GBX1: variants seen among roughly 807,000 people sequenced by gnomAD.
The protein encoded by GBX1 is gastrulation brain homeobox 1.
GBX1 carries 9 observed loss-of-function variants against 22.9 expected under a neutral mutation model. That is an observed-to-expected ratio of 0.39 (90% CI 0.24 to 0.69). The LOEUF is 0.69. Ranked by LOEUF, GBX1 falls within the 30% of genes least tolerant of loss-of-function variation. The pLI, the probability that GBX1 is intolerant of heterozygous loss-of-function variation, is 0.43. For missense variants in GBX1, 494 were observed against 509.2 expected, an observed-to-expected ratio of 0.97 and a Z score of 0.29; for synonymous variants, 203 against 227.3, an observed-to-expected ratio of 0.89 and a Z score of 0.96.
rs910286868 is a variant in GBX1, at chr7:151,152,283, C to G, written c.539-3141G>C. On this transcript the variant is annotated intron_variant, in intron 1 of 1. Transcript: ENST00000297537. ...GCCTCTCCGACGATATTCCCCACAACCCCACCCCGCCCAGCTCCAGTGCAT... is the reference window on the plus strand; with the variant it reads ...GCCTCTCCGACGATATTCCCCACAAGCCCACCCCGCCCAGCTCCAGTGCAT... Among the ~76,000 whole-genome samples the G allele has an allele frequency of 2.0e-5, 3 of 152,264 alleles. 1 individual carries two copies. In the South Asian group the frequency reaches 6.2e-4, roughly 32 times the overall value.
intron 1 of GBX1, among the ~76,000 whole-genome samples, chr7:151,150,302 C>G (rs1047137056): frequency 4.6e-5 from 7 of 152,142 alleles, no homozygotes; most frequent in African/African-American, 1.4e-4. Context: ...GACCAAAAAG[C>G]AGTGAAACAA....
intron 1 of GBX1, among the ~76,000 whole-genome samples, chr7:151,159,300 G>A (rs1469147010): frequency 6.6e-6 from 1 of 151,952 alleles, no homozygotes; most frequent in Non-Finnish European, 1.5e-5. Flanking sequence ...TGCCCAGGCT[G>A]GTCTCGAACT....
chr7:151,158,821 A>G (rs1801163142), intron 1 of GBX1, among the ~76,000 whole-genome samples: 3 of 152,216 alleles, frequency 2.0e-5, no homozygotes, highest in Non-Finnish European at 4.4e-5. Flanking sequence ...AGAAAAGGAC[A>G]ATAAGGATAA....
chr7:151,150,994 A>G (rs1409426747), intron 1 of GBX1, among the ~76,000 whole-genome samples: 3 of 152,200 alleles, frequency 2.0e-5, no homozygotes, highest in African/African-American at 7.2e-5. Flanking sequence ...GGCCTCCCAA[A>G]GTGCCAGGAT....
At chr7:151,156,385 CAAAAAAAAAAAAA>C (rs56947735) in intron 1 of GBX1, among the ~76,000 whole-genome samples, 57 of 15,930 alleles carry the variant, frequency 3.6e-3, no homozygotes, top group African/African-American at 8.6e-3. Context: ...GACCCTGTCT[CAAAAAAAAAAAAA>C]AAAAAAAAAA....
intron 1 of GBX1, among the ~76,000 whole-genome samples, chr7:151,158,679 C>G (rs917556824): frequency 1.3e-5 from 2 of 152,098 alleles, no homozygotes; most frequent in African/African-American, 4.8e-5. Context: ...TCTCAGAACA[C>G]AGAACTACTC....
At chr7:151,152,338 C>T (rs551905678) in intron 1 of GBX1, among the ~76,000 whole-genome samples, 1 of 152,282 alleles carries the variant, frequency 6.6e-6, no homozygotes, top group Non-Finnish European at 1.5e-5. Context: ...GTTATCCTTC[C>T]CACTTTTCAG....
chr7:151,156,157 G>A (rs1313155294), intron 1 of GBX1, among the ~76,000 whole-genome samples: 2 of 151,992 alleles, frequency 1.3e-5, no homozygotes, highest in East Asian at 3.9e-4. Context: ...GCCAAGGCGG[G>A]CAGATCACTT....
chr7:151,153,895 G>A (rs1801106586), intron 1 of GBX1, among the ~76,000 whole-genome samples: 1 of 151,048 alleles, frequency 6.6e-6, no homozygotes, highest in South Asian at 2.2e-4. Context: ...ATTTCTATTT[G>A]CAAAATTTGA....
rs1375372051 is a variant in GBX1, at chr7:151,167,510, G to T, written c.39C>A (p.Asn13Lys). The change falls in exon 1 of 2, where the codon AAC (asparagine) becomes AAA (lysine). Residue 13 changes from asparagine to lysine, a missense_variant. Transcript: ENST00000297537. This position sits in a 1 kb window ranked among gnomAD's most constrained non-coding sequence, Gnocchi z 5.9. ...RAGGGSAPGG[N>K]GGGGGGGPGT... ...CCGGGCCCCCGCCGCCGCCCCCGCCGTTGCCCCCAGGGGCGCTACCGCCTC... is the reference window on the plus strand; with the variant it reads ...CCGGGCCCCCGCCGCCGCCCCCGCCTTTGCCCCCAGGGGCGCTACCGCCTC... 1 of 1,481,902 alleles carries T rather than the reference G, an allele frequency of 6.7e-7. No homozygotes were observed. Among genetic ancestry groups the T allele is most frequent in the Non-Finnish European group, 8.9e-7 (1 of 1,125,842 alleles). 91.8% of individuals were successfully genotyped at this position (1,481,902 alleles called of 1,614,324 possible).
chr7:151,153,549 CTT>C (rs35402664), intron 1 of GBX1, among the ~76,000 whole-genome samples: 13 of 146,290 alleles, frequency 8.9e-5, no homozygotes, highest in South Asian at 2.2e-4. Flanking sequence ...AGAAGCAAAT[CTT>C]TTTTTTTTTT....
intron 1 of GBX1, among the ~76,000 whole-genome samples, chr7:151,157,174 T>C (rs982058826): frequency 1.3e-5 from 2 of 151,954 alleles, no homozygotes; most frequent in African/African-American, 4.8e-5. Context: ...CACATGCCTG[T>C]AGTCCCAGCT....
chr7:151,167,552 G>A lies in GBX1; in HGVS notation c.-4C>T. On this transcript the variant is annotated 5_prime_UTR_variant, in exon 1 of 2. Coordinates refer to ENST00000297537, the MANE Select transcript of GBX1 (RefSeq NM_001098834.3). This position sits in a 1 kb window ranked among gnomAD's most constrained non-coding sequence, Gnocchi z 5.9. The stretch of plus-strand genomic sequence containing the variant: ...TACCGCCTCCGGCCCGCTGCATCTT[G>A]TTCGGAGCTGCGGCCGCCCCGGGGC... The A allele has an allele frequency of 6.9e-7, 1 of 1,439,482 alleles. No individual in the cohort carries two copies. Among genetic ancestry groups the A allele is most frequent in the Non-Finnish European group, 9.0e-7 (1 of 1,109,690 alleles). The allele number at this position is 1,439,482 out of a possible 1,614,324, so 89.2% of individuals were successfully genotyped here. A position where few individuals can be genotyped will look rare whatever the true frequency, so the allele number is the denominator to read the frequency against.
At chr7:151,158,779 T>A (rs889970973) in intron 1 of GBX1, among the ~76,000 whole-genome samples, 1 of 152,168 alleles carries the variant, frequency 6.6e-6, no homozygotes, top group African/African-American at 2.4e-5. Context: ...TTTCCCAACT[T>A]AATTCCCAGG....
At chr7:151,163,946 A>T (rs1801222089) in intron 1 of GBX1, among the ~76,000 whole-genome samples, 1 of 152,172 alleles carries the variant, frequency 6.6e-6, no homozygotes. Flanking sequence ...TCACCTGCTA[A>T]TATAGCTTCT....
intron 1 of GBX1, among the ~76,000 whole-genome samples, chr7:151,162,302 C>A (rs1217000341): frequency 6.6e-6 from 1 of 152,162 alleles, no homozygotes; most frequent in Non-Finnish European, 1.5e-5. Context: ...GTTTTCCTCT[C>A]ATAAGTAAAT....
rs72617362 is a variant in GBX1 at position 151,165,349 on chromosome 7, C to G, written c.538+1662G>C. Among the ~76,000 whole-genome samples, 1,904 of 152,274 alleles carry G rather than the reference C, an allele frequency of 0.013. 157 individuals are homozygous for G. In the East Asian group the frequency reaches 0.24, roughly 19 times the overall value. ...TGTTGTCCCACAGTTTGGGCATATG[C>G]CCCTAAGTCCCCGCTACCAAGGGAT... On this transcript the variant is annotated intron_variant, in intron 1 of 1. Coordinates refer to ENST00000297537, the MANE Select transcript of GBX1 (RefSeq NM_001098834.3).
At chr7:151,155,631 C>T (rs1801125554) in intron 1 of GBX1, among the ~76,000 whole-genome samples, 1 of 152,050 alleles carries the variant, frequency 6.6e-6, no homozygotes, top group Admixed American at 6.5e-5. Flanking sequence ...CACTGTCATC[C>T]AGAACCCCTC....
At chr7:151,166,646 G>A (rs1584806753) in intron 1 of GBX1, among the ~76,000 whole-genome samples, 1 of 151,910 alleles carries the variant, frequency 6.6e-6, no homozygotes, top group Non-Finnish European at 1.5e-5. Context: ...TGGTGCCCCC[G>A]GAAATCCCAT....
Sources: allele counts gnomAD v4.1 joint callset (sites outside exome capture counted in the v4.1 genomes callset), GRCh38; gene constraint gnomAD v4.1.1; non-coding constraint Gnocchi (gnomAD v3.1); transcripts MANE v1.5; gene names NCBI Gene and HGNC (gene_info 2026-07-23, HGNC 2026-07-21).